SLC37A1: variants seen among roughly 807,000 people sequenced by gnomAD.
The protein encoded by SLC37A1 is glucose-6-phosphate exchanger SLC37A1.
SLC37A1 carries 49 observed loss-of-function variants against 75.3 expected under a neutral mutation model. That is an observed-to-expected ratio of 0.65 (90% CI 0.52 to 0.83). The LOEUF (loss-of-function observed/expected upper bound fraction) is 0.83, where lower values mean the gene tolerates loss of function less well. Ranked by LOEUF, SLC37A1 falls within the 40% of genes least tolerant of loss-of-function variation. SLC37A1 has a pLI of 0.00. For synonymous variants in SLC37A1, 268 were observed against 292.1 expected (o/e 0.92, Z 0.84); for missense variants, 566 against 695.0 (o/e 0.81, Z 2.09).
At chr21:42,570,374 G>C (rs2056127493) in intron 17 of SLC37A1, among the ~76,000 whole-genome samples, 1 of 152,156 alleles carries the variant, frequency 6.6e-6, no homozygotes, top group South Asian at 2.1e-4. Flanking sequence ...GTTCACCAAA[G>C]TGAGACCAGA....
intron 6 of SLC37A1, 23 bp from the exon 7 acceptor site, chr21:42,542,379 GTC>G: frequency 6.2e-7 from 1 of 1,610,978 alleles, no homozygotes. Context: ...CCACAGGTCA[GTC>G]TCTCCTTTGG....
At position 42,574,865 on chromosome 21, in the gene SLC37A1, T is replaced by G; in HGVS notation, c.1471T>G (p.Trp491Gly). The G allele has an allele frequency of 6.2e-7, 1 of 1,614,222 alleles. No homozygotes were observed. Among genetic ancestry groups the G allele is most frequent in the Non-Finnish European group, 8.5e-7 (1 of 1,180,030 alleles). ...GGCTGGGCTCCTCTCCCCGTCCGGC[T>G]GGAGCAATGTGTTTTACATGCTGAT... ...LLAGLLSPSGWSNVFYMLMFA... is the reference protein window; with the variant it reads ...LLAGLLSPSGGSNVFYMLMFA... The change falls in exon 18 of 20, where the codon TGG (tryptophan) becomes GGG (glycine). Residue 491 changes from tryptophan to glycine, a missense_variant. Physicochemically the swap from Trp to Gly is radical, Grantham distance 184. Transcript: ENST00000352133.
intron 5 of SLC37A1, 70 bp from the exon 6 acceptor site, chr21:42,539,442 A>C: frequency 6.6e-7 from 1 of 1,519,804 alleles, no homozygotes. Context: ...CCGGCAAGAA[A>C]CAGCCACGAG....
At chr21:42,500,764 G>C (rs1239563712) in intron 1 of SLC37A1, among the ~76,000 whole-genome samples, 1 of 152,138 alleles carries the variant, frequency 6.6e-6, no homozygotes, top group Non-Finnish European at 1.5e-5. Context: ...CATAAGGGTG[G>C]GGAGAGACTG....
Position 42,562,168 on chromosome 21 carries a change from G to T in SLC37A1, c.1072G>T (p.Asp358Tyr). Residue 358 changes from aspartate to tyrosine, a missense_variant and splice_region_variant, in exon 12 of 20, where the codon GAT (aspartate) becomes TAT (tyrosine). Physicochemically the swap from Asp to Tyr is radical, Grantham distance 160 (BLOSUM62 -3). Coordinates refer to ENST00000352133, the MANE Select transcript of SLC37A1 (RefSeq NM_001320537.2). Reference protein sequence around the residue: ...FWLPLYITNVDHLDAKKAGEL... With the variant: ...FWLPLYITNVYHLDAKKAGEL... The stretch of plus-strand genomic sequence containing the variant: ...GCTGCCCCTGTACATCACGAATGTG[G>T]GTGAGTATCCACGCTAGAACACATT... The T allele has an allele frequency of 6.2e-7, 1 of 1,613,794 alleles. No homozygotes were observed. The highest frequency in any genetic ancestry group is 8.5e-7 in the Non-Finnish European group (1 of 1,179,734).
chr21:42,513,225 G>A (rs2054457539), upstream of SLC37A1, among the ~76,000 whole-genome samples: 4 of 152,170 alleles, frequency 2.6e-5, no homozygotes, highest in South Asian at 8.3e-4. Context: ...GGGGTGACGT[G>A]GGAGCCTGTG....
At position 42,531,903 on chromosome 21, in the gene SLC37A1, G is replaced by A. The variant is rs560789044; in HGVS notation, c.139-2795G>A. Among the ~76,000 whole-genome samples the A allele has an allele frequency of 2.0e-4, 30 of 152,324 alleles. 1 individual carries two copies. The highest frequency in any genetic ancestry group is 7.0e-4 in the African/African-American group (29 of 41,558). On this transcript the variant is annotated intron_variant, in intron 3 of 19. Coordinates refer to ENST00000352133, the MANE Select transcript of SLC37A1 (RefSeq NM_001320537.2). ...ACAGGTCTGCGGGGTGCGGGTGAAGGTGACCTTTCCAACATCAAGGAGAAG... is the reference window on the plus strand; with the variant it reads ...ACAGGTCTGCGGGGTGCGGGTGAAGATGACCTTTCCAACATCAAGGAGAAG...
intron 18 of SLC37A1, among the ~76,000 whole-genome samples, chr21:42,579,355 A>G (rs2056369549): frequency 6.6e-6 from 1 of 152,190 alleles, no homozygotes; most frequent in African/African-American, 2.4e-5. Flanking sequence ...CACCCGCATT[A>G]TGGTCCTCTT....
At chr21:42,530,948 T>C (rs1036359782) in intron 3 of SLC37A1, among the ~76,000 whole-genome samples, 3 of 152,186 alleles carry the variant, frequency 2.0e-5, no homozygotes, top group Non-Finnish European at 4.4e-5. Context: ...GGAGCCTTCA[T>C]GGAATGCAGG....
Position 42,534,755 on chromosome 21 carries a change from C to T in SLC37A1, c.196C>T (p.Gln66Ter), listed in dbSNP as rs764166461. 1.2e-6 allele frequency: 2 copies of T among 1,613,934 alleles called. No homozygotes were observed. Among genetic ancestry groups the T allele is most frequent in the East Asian group, 2.2e-5 (1 of 44,880 alleles). ...WDEADVRFSS[Q>*]NRKSGSAAPH... is the part of the protein sequence containing the mutation. The stretch of plus-strand genomic sequence containing the variant: ...TGAAGCTGACGTCAGGTTCAGCAGC[C>T]AGAACAGGAAGTCTGGGTCCGCTGC... Residue 66 changes from glutamine (Q) to a stop codon, truncating the protein, a stop_gained, in exon 4 of 20, where the codon CAG becomes TAG. Coordinates refer to ENST00000352133, the MANE Select transcript of SLC37A1 (RefSeq NM_001320537.2). LOFTEE classifies it high-confidence loss of function.
intron 15 of SLC37A1, 99 bp from the exon 16 acceptor site, chr21:42,566,886 C>G: frequency 8.2e-7 from 1 of 1,213,990 alleles, no homozygotes; most frequent in Non-Finnish European, 1.2e-6. Flanking sequence ...TGCTGCATCC[C>G]CTCCCTGTGC....
chr21:42,523,860 G>A (rs755667010), intron 2 of SLC37A1, among the ~76,000 whole-genome samples: 8 of 151,830 alleles, frequency 5.3e-5, no homozygotes, highest in East Asian at 1.9e-4. Context: ...TGTGTCACAC[G>A]GAGCCACCAA....
rs983109337 is a variant in SLC37A1 at position 42,564,921 on chromosome 21, A to G, written c.1221+128A>G. ...TGACAAGCCCGCTTCATTCCCTCTC[A>G]TGCCTCCTGTCCCCCGACCCCTCCC... On this transcript the variant is annotated intron_variant, in intron 14 of 19. Transcript: ENST00000352133. 1.4e-5 allele frequency: 11 copies of G among 807,458 alleles called. No individual in the cohort carries two copies. The South Asian group carries it at 1.5e-4, about 11-fold the overall frequency. 50.0% of individuals were successfully genotyped at this position (807,458 alleles called of 1,614,324 possible). A position where few individuals can be genotyped will look rare whatever the true frequency, so the allele number is the denominator to read the frequency against.
chr21:42,569,899 C>G (rs1028392452), intron 17 of SLC37A1, among the ~76,000 whole-genome samples: 3 of 152,280 alleles, frequency 2.0e-5, no homozygotes, highest in Admixed American at 2.0e-4. Context: ...AGGCCCCAGG[C>G]GCCCCCGCCC....
chr21:42,536,475 T>C (rs561886611), intron 5 of SLC37A1, among the ~76,000 whole-genome samples: 1 of 151,772 alleles, frequency 6.6e-6, no homozygotes, highest in Admixed American at 6.6e-5. Flanking sequence ...TCCAGCCAGG[T>C]TTTTTTTTAA....
intron 10 of SLC37A1, among the ~76,000 whole-genome samples, chr21:42,555,324 GC>G (rs2055661806): frequency 6.6e-6 from 1 of 152,106 alleles, no homozygotes; most frequent in Admixed American, 6.5e-5. Flanking sequence ...CAGACACAGG[GC>G]CTCTCCTCTG....
chr21:42,555,103 A>C (rs904224303), intron 10 of SLC37A1, among the ~76,000 whole-genome samples: 2 of 150,530 alleles, frequency 1.3e-5, no homozygotes, highest in Admixed American at 1.3e-4. Context: ...CTCCTGCCTC[A>C]GCCTCCCTAT....
chr21:42,580,596 G>A lies in SLC37A1; in HGVS notation c.*236G>A, dbSNP rs936054789. 2 of 385,518 alleles carry A rather than the reference G, an allele frequency of 5.2e-6. No individual in the cohort carries two copies. The highest frequency in any genetic ancestry group is 6.7e-5 in the East Asian group (1 of 15,024). The allele number at this position is 385,518 out of a possible 1,614,324, so 23.9% of individuals were successfully genotyped here. ...GAACTGCTGCCTGAGCCAAGCCAGAGAACCGAAGACCCGGCCGGCCCTGGC... is the reference window on the plus strand; with the variant it reads ...GAACTGCTGCCTGAGCCAAGCCAGAAAACCGAAGACCCGGCCGGCCCTGGC... On this transcript the variant is annotated 3_prime_UTR_variant, in exon 20 of 20. Coordinates refer to ENST00000352133, the MANE Select transcript of SLC37A1 (RefSeq NM_001320537.2).
chr21:42,508,990 A>G (rs375949014), upstream of SLC37A1, among the ~76,000 whole-genome samples: 1 of 152,166 alleles, frequency 6.6e-6, no homozygotes, highest in African/African-American at 2.4e-5. Flanking sequence ...AAATTCTACC[A>G]CTAAAATGCC....
Sources: allele counts gnomAD v4.1 joint callset (sites outside exome capture counted in the v4.1 genomes callset), GRCh38; gene constraint gnomAD v4.1.1; transcripts MANE v1.5; gene names NCBI Gene and HGNC (gene_info 2026-07-23, HGNC 2026-07-21).